RPS6KC1: variants seen among roughly 807,000 people sequenced by gnomAD.
RPS6KC1 encodes the protein inactive ribosomal protein S6 kinase delta-1.
RPS6KC1 carries 54 observed loss-of-function variants against 103.8 expected under a neutral mutation model. The ratio of observed to expected loss-of-function variants is 0.52; its 90% CI spans 0.42 to 0.65. RPS6KC1 has a LOEUF of 0.65. Among genes scored for constraint, RPS6KC1 ranks in the 30% least tolerant of loss-of-function variants. The pLI is 0.00. For missense variants in RPS6KC1, 1,151 were observed against 1,253.8 expected (o/e 0.92, Z 1.24); for synonymous variants, 439 against 438.7 (o/e 1.00, Z -0.01).
intron 2 of RPS6KC1, among the ~76,000 whole-genome samples, chr1:213,075,423 C>T (rs1156457698): frequency 6.6e-6 from 1 of 152,190 alleles, no homozygotes; most frequent in Non-Finnish European, 1.5e-5. Flanking sequence ...TCACATCTCA[C>T]TGCGTATGCT....
At chr1:213,735,714 A>C in the RPS6KC1 span, among the ~76,000 whole-genome samples, 1 of 152,316 alleles carries the variant, frequency 6.6e-6, no homozygotes, top group East Asian at 1.9e-4. Flanking sequence ...AAGGAAGAAA[A>C]AGAGACAAAG....
chr1:213,413,680 G>A, the RPS6KC1 span, among the ~76,000 whole-genome samples: 1 of 152,216 alleles, frequency 6.6e-6, no homozygotes, highest in East Asian at 1.9e-4. Context: ...AACCAAGAGA[G>A]TGCAAAGCAG....
chr1:213,456,183 C>T, the RPS6KC1 span, among the ~76,000 whole-genome samples: 2 of 152,128 alleles, frequency 1.3e-5, no homozygotes, highest in African/African-American at 2.4e-5. Flanking sequence ...GTGTGCGTCC[C>T]GTGCAGCATG....
chr1:213,382,048 AT>A, the RPS6KC1 span, among the ~76,000 whole-genome samples: 1 of 151,990 alleles, frequency 6.6e-6, no homozygotes, highest in African/African-American at 2.4e-5. Context: ...CCAAATGCCG[AT>A]TTTTTTGTGT....
the RPS6KC1 span, among the ~76,000 whole-genome samples, chr1:213,605,196 C>T: frequency 3.3e-5 from 5 of 152,124 alleles, no homozygotes; most frequent in African/African-American, 1.2e-4. Flanking sequence ...TAGGGCTGAA[C>T]AATATACTCG....
chr1:213,787,323 C>CTAACA, the RPS6KC1 span, among the ~76,000 whole-genome samples: 1 of 151,678 alleles, frequency 6.6e-6, no homozygotes, highest in Non-Finnish European at 1.5e-5. Context: ...AAAGTGAAAG[C>CTAACA]TAACATAAAA....
intron 3 of RPS6KC1, 85 bp downstream of exon 3, chr1:213,077,901 T>C: frequency 1.5e-6 from 1 of 648,734 alleles, no homozygotes; most frequent in South Asian, 4.7e-5. Context: ...CACTATGAAG[T>C]CAGAAGCCCT....
At chr1:213,161,732 A>G (rs958281810) in intron 6 of RPS6KC1, among the ~76,000 whole-genome samples, 2 of 152,220 alleles carry the variant, frequency 1.3e-5, no homozygotes, top group Non-Finnish European at 2.9e-5. Flanking sequence ...CACTAAGTCA[A>G]TTTAATTTTT....
chr1:213,300,116 T>C, the RPS6KC1 span, among the ~76,000 whole-genome samples: 1 of 152,224 alleles, frequency 6.6e-6, no homozygotes, highest in Non-Finnish European at 1.5e-5. Flanking sequence ...CTAAATTCTT[T>C]TTTTCAGATG....
At chr1:213,310,875 A>G in the RPS6KC1 span, among the ~76,000 whole-genome samples, 1 of 152,170 alleles carries the variant, frequency 6.6e-6, no homozygotes, top group Non-Finnish European at 1.5e-5. Flanking sequence ...CTGCACTAGC[A>G]CATTGTTGGG....
the RPS6KC1 span, among the ~76,000 whole-genome samples, chr1:213,292,982 G>A: frequency 4.6e-5 from 7 of 152,204 alleles, no homozygotes; most frequent in Non-Finnish European, 8.8e-5. Flanking sequence ...AATGTGAAAA[G>A]TTTACTTCAG....
At chr1:213,430,921 A>T in the RPS6KC1 span, among the ~76,000 whole-genome samples, 1 of 152,264 alleles carries the variant, frequency 6.6e-6, no homozygotes, top group African/African-American at 2.4e-5. Context: ...CAATGCCTTT[A>T]CAAGTATCTG....
chr1:213,104,079 TTA>T (rs1237839891), intron 3 of RPS6KC1, among the ~76,000 whole-genome samples: 2 of 152,202 alleles, frequency 1.3e-5, no homozygotes, highest in East Asian at 3.8e-4. Flanking sequence ...AAAGGGAAAA[TTA>T]TATGAGTAAT....
chr1:213,435,422 T>A, the RPS6KC1 span, among the ~76,000 whole-genome samples: 4 of 152,244 alleles, frequency 2.6e-5, no homozygotes, highest in Non-Finnish European at 4.4e-5. Context: ...ATGCAAGACA[T>A]TGTAAATATT....
the RPS6KC1 span, among the ~76,000 whole-genome samples, chr1:213,526,402 G>A: frequency 6.6e-6 from 1 of 152,112 alleles, no homozygotes; most frequent in Non-Finnish European, 1.5e-5. Context: ...GGTTAATCAA[G>A]AACTTAGAGT....
At chr1:213,227,642 A>G (rs2093990387) in intron 8 of RPS6KC1, among the ~76,000 whole-genome samples, 1 of 152,174 alleles carries the variant, frequency 6.6e-6, no homozygotes, top group Non-Finnish European at 1.5e-5. Context: ...CTGTCAGCCA[A>G]GGACTGCGCT....
intron 4 of RPS6KC1, among the ~76,000 whole-genome samples, chr1:213,106,525 C>T (rs567037944): frequency 2.6e-5 from 4 of 152,216 alleles, no homozygotes; most frequent in Non-Finnish European, 4.4e-5. Context: ...GAAGGAGTCT[C>T]GGAAGGTGAC....
At chr1:213,277,100 T>C (rs2095113974), downstream of RPS6KC1, among the ~76,000 whole-genome samples, 1 of 152,246 alleles carries the variant, frequency 6.6e-6, no homozygotes, top group African/African-American at 2.4e-5. Flanking sequence ...AAGGATTTCA[T>C]ATTAAGCCCT....
the RPS6KC1 span, among the ~76,000 whole-genome samples, chr1:213,488,114 C>T: frequency 6.6e-6 from 1 of 152,250 alleles, no homozygotes; most frequent in Non-Finnish European, 1.5e-5. Context: ...ACACTCTTCA[C>T]ACTATGGTCA....
Sources: allele counts gnomAD v4.1 joint callset (sites outside exome capture counted in the v4.1 genomes callset), GRCh38; gene constraint gnomAD v4.1.1; transcripts MANE v1.5; gene names NCBI Gene and HGNC (gene_info 2026-07-23, HGNC 2026-07-21).